Variants in LRRC27 observed in about 807,000 individuals in gnomAD.
The protein encoded by LRRC27 is leucine rich repeat containing 27.
Under a neutral mutation model 55.0 loss-of-function variants are expected in LRRC27, and 57 were observed. The observed-to-expected ratio is 1.04, with a 90% CI of 0.84 to 1.29. The LOEUF (loss-of-function observed/expected upper bound fraction) is 1.29. Among genes scored for constraint, LRRC27 ranks in the 50% most tolerant of loss-of-function variants. The pLI, the probability that LRRC27 is intolerant of heterozygous loss-of-function variation, is 0.00. For missense variants in LRRC27, 721 were observed against 651.5 expected, an observed-to-expected ratio of 1.11 and a Z score of -1.16; for synonymous variants, 278 against 251.9, an observed-to-expected ratio of 1.10 and a Z score of -0.98.
Position 132,372,628 on chromosome 10 carries a change from C to G in LRRC27, c.1417-2438C>G, listed in dbSNP as rs1041937488. Among the ~76,000 whole-genome samples, 1 of 152,144 alleles carries G rather than the reference C, an allele frequency of 6.6e-6. No homozygotes were observed. The highest frequency in any genetic ancestry group is 2.4e-5 in the African/African-American group (1 of 41,434). On this transcript the variant is annotated intron_variant, in intron 10 of 10. Coordinates refer to ENST00000368614, the MANE Select transcript of LRRC27 (RefSeq NM_030626.3). This position sits in a 1 kb window ranked among gnomAD's most constrained non-coding sequence, Gnocchi z 4.0. ...ACGCCAGGGCCCTGGGTCTGCTTCC[C>G]TACTCTGCCCAGCCCACTGACTCCT...
upstream of LRRC27, among the ~76,000 whole-genome samples, chr10:132,331,235 G>A (rs76805118): frequency 0.12 from 17,464 of 141,712 alleles, 1,220 homozygotes; most frequent in East Asian, 0.34. Flanking sequence ...GTGAAATCAT[G>A]GCAGACTCCA....
chr10:132,367,070 T>G (rs1590731300), intron 10 of LRRC27: 2 of 991,832 alleles, frequency 2.0e-6, no homozygotes, highest in East Asian at 9.7e-5. Context: ...GCAAAACATC[T>G]GTGTCTTAAC....
Position 132,336,178 on chromosome 10 carries a change from A to G in LRRC27, c.211-1387A>G, listed in dbSNP as rs192530244. ...ATTCCTTTTACTGGCATTGAGAACG[A>G]CATGGTTTCAAAGCTGAGCACTGGA... On this transcript the variant is annotated intron_variant, in intron 2 of 10. Transcript: ENST00000368614. Among the ~76,000 whole-genome samples the G allele has an allele frequency of 2.4e-3, 368 of 152,300 alleles. 3 individuals are homozygous for G. The highest frequency in any genetic ancestry group is 8.3e-3 in the African/African-American group (343 of 41,554).
At chr10:132,337,191 G>A (rs1237338688) in intron 2 of LRRC27, 8 of 1,170,864 alleles carry the variant, frequency 6.8e-6, no homozygotes, top group East Asian at 5.7e-5. Flanking sequence ...GATTTCGGGG[G>A]CTGCCGAGGG....
chr10:132,358,109 C>T (rs970069609), intron 8 of LRRC27, among the ~76,000 whole-genome samples: 1 of 152,208 alleles, frequency 6.6e-6, no homozygotes, highest in Admixed American at 6.5e-5. Flanking sequence ...ATCTAATATA[C>T]AAAGAATGGC....
intron 8 of LRRC27, among the ~76,000 whole-genome samples, chr10:132,357,967 C>A (rs866483216): frequency 1.3e-5 from 2 of 152,164 alleles, no homozygotes; most frequent in Non-Finnish European, 2.9e-5. Context: ...CAGCTGAACG[C>A]ATGGAGAGGC....
intron 3 of LRRC27, 65 bp downstream of exon 3, chr10:132,337,760 G>T (rs950045463): frequency 2.0e-5 from 31 of 1,564,924 alleles, no homozygotes; most frequent in Non-Finnish European, 2.6e-5. Flanking sequence ...CTGTTCTTTC[G>T]CTCCTTGTCC....
At chr10:132,363,146 C>G (rs1590709706) in intron 9 of LRRC27, among the ~76,000 whole-genome samples, 1 of 119,060 alleles carries the variant, frequency 8.4e-6, no homozygotes, top group Non-Finnish European at 1.8e-5. Flanking sequence ...TCACCTCACA[C>G]CAGCTCGGGG....
chr10:132,360,125 T>C (rs1254903908), intron 8 of LRRC27, among the ~76,000 whole-genome samples: 11 of 152,300 alleles, frequency 7.2e-5, no homozygotes, highest in East Asian at 5.8e-4. Flanking sequence ...TATTTATTTA[T>C]TTATTTACGA....
chr10:132,337,026 T>C, intron 2 of LRRC27: 1 of 1,216,934 alleles, frequency 8.2e-7, no homozygotes, highest in Non-Finnish European at 1.1e-6. Flanking sequence ...AATCTGCTTC[T>C]GAAATGCTGC....
At chr10:132,336,322 C>T (rs1000995273) in intron 2 of LRRC27, among the ~76,000 whole-genome samples, 1 of 152,184 alleles carries the variant, frequency 6.6e-6, no homozygotes, top group Non-Finnish European at 1.5e-5. Context: ...GGTGCACACC[C>T]ATATACGTGG....
intron 10 of LRRC27, among the ~76,000 whole-genome samples, chr10:132,373,755 A>G (rs1329618421): frequency 6.6e-6 from 1 of 152,126 alleles, no homozygotes; most frequent in African/African-American, 2.4e-5. Flanking sequence ...GCCGCCCCCT[A>G]CTGTGAGAGG....
rs148321836 is a variant in LRRC27 at position 132,348,021 on chromosome 10, C to T, written c.591C>T (p.Leu197=). ...TTAGAGAGATGACCCTCCGTGACCT[C>T]CCGAGCCCAGGACTGGAGTTGTCTG... ...PPVREMTLRD[L]PSPGLELSGD... Residue 197 remains leucine, a synonymous_variant, in exon 6 of 11, where the codon CTC becomes CTT. Transcript: ENST00000368614. The surrounding 1 kb of genome is among the most constrained non-coding windows in gnomAD (Gnocchi z 4.2). The T allele has an allele frequency of 3.7e-6, 6 of 1,612,644 alleles. No homozygotes were observed. The highest frequency in any genetic ancestry group is 2.2e-5 in the East Asian group (1 of 44,880).
chr10:132,350,861 GCT>G (rs773034647), intron 6 of LRRC27: 1 of 152,258 alleles, frequency 6.6e-6, no homozygotes, highest in African/African-American at 2.4e-5. Flanking sequence ...AACCTGGCTG[GCT>G]CTCAGTCCTG....
chr10:132,353,214 C>T, intron 7 of LRRC27: 2 of 1,351,158 alleles, frequency 1.5e-6, no homozygotes, highest in Non-Finnish European at 1.9e-6. Flanking sequence ...TTCCCGGCTT[C>T]TTTGTGAGCT....
At chr10:132,357,724 C>T (rs192714397) in intron 8 of LRRC27, among the ~76,000 whole-genome samples, 13 of 152,306 alleles carry the variant, frequency 8.5e-5, no homozygotes, top group East Asian at 3.9e-4. Context: ...TGAGAGTGTA[C>T]GCAGTTTCTT....
intron 3 of LRRC27, among the ~76,000 whole-genome samples, chr10:132,341,511 T>C (rs766797758): frequency 7.2e-5 from 11 of 152,248 alleles, no homozygotes; most frequent in South Asian, 6.2e-4. Flanking sequence ...TTACATTCTT[T>C]CCTGTCCGTC....
At chr10:132,337,201 G>C in intron 2 of LRRC27, 1 of 1,174,644 alleles carries the variant, frequency 8.5e-7, no homozygotes, top group Non-Finnish European at 1.1e-6. Flanking sequence ...GCTGCCGAGG[G>C]CCAGGTGCTG....
In LRRC27 at chr10:132,355,962, CAT is replaced by C; in HGVS notation, c.1170+77_1170+78del. 4 of 1,023,430 alleles carry C rather than the reference CAT, an allele frequency of 3.9e-6. No homozygotes were observed. In the South Asian group the frequency reaches 4.3e-5, roughly 11 times the overall value. 63.4% of individuals were successfully genotyped at this position (1,023,430 alleles called of 1,614,324 possible). ...GTGGGTGCTCACAGGCATCCCTGTC[CAT>C]GGAGGATGAGCCGAGACCTGGGGGT... On this transcript the variant is annotated intron_variant, in intron 8 of 10. Coordinates refer to ENST00000368614, the MANE Select transcript of LRRC27 (RefSeq NM_030626.3).
Sources: allele counts gnomAD v4.1 joint callset (sites outside exome capture counted in the v4.1 genomes callset), GRCh38; gene constraint gnomAD v4.1.1; non-coding constraint Gnocchi (gnomAD v3.1); transcripts MANE v1.5; gene names NCBI Gene and HGNC (gene_info 2026-07-23, HGNC 2026-07-21).